RFTN1: variants seen among roughly 807,000 people sequenced by gnomAD.
RFTN1 encodes the protein raftlin, lipid raft linker 1.
In RFTN1, 26 loss-of-function variants were observed where a neutral mutation model predicts 46.5. The observed-to-expected ratio is 0.56, with a 90% confidence interval of 0.41 to 0.78. RFTN1 has a LOEUF of 0.78. Ranked by LOEUF, RFTN1 falls within the 30% of genes least tolerant of loss-of-function variation. The pLI, the probability that RFTN1 is intolerant of heterozygous loss-of-function variation, is 0.00. For synonymous variants in RFTN1, 261 were observed against 284.2 expected (o/e 0.92, Z 0.82); for missense variants, 693 against 718.7 (o/e 0.96, Z 0.41).
At chr3:16,377,474 G>A (rs1389384198) in intron 5 of RFTN1, among the ~76,000 whole-genome samples, 1 of 152,176 alleles carries the variant, frequency 6.6e-6, no homozygotes, top group African/African-American at 2.4e-5. Flanking sequence ...CACTTCAAAC[G>A]TGACATTTTG....
rs796886564 is a variant in RFTN1, at chr3:16,485,448, GCAAGGACTCCATACATACAACAT to G, written c.145+8254_145+8276del. ...CAACAAGGACTCCATACATACAACA[GCAAGGACTCCATACATACAACAT>G]CAAGGACTCCATACATACAACAGCA... is the stretch of plus-strand genomic sequence containing the variant. On this transcript the variant is annotated intron_variant, in intron 2 of 9. Coordinates refer to ENST00000334133, the MANE Select transcript of RFTN1 (RefSeq NM_015150.2). Among the ~76,000 whole-genome samples, 6 of 151,896 alleles carry G rather than the reference GCAAGGACTCCATACATACAACAT, an allele frequency of 4.0e-5. No individual in the cohort carries two copies. The East Asian group carries it at 9.6e-4, about 24-fold the overall frequency.
At chr3:16,430,326 G>A (rs1397205147) in intron 3 of RFTN1, among the ~76,000 whole-genome samples, 2 of 152,120 alleles carry the variant, frequency 1.3e-5, no homozygotes, top group African/African-American at 2.4e-5. Flanking sequence ...TGCCCAGGCT[G>A]GTCTGGAACT....
chr3:16,505,462 G>C (rs1456219707), intron 1 of RFTN1, among the ~76,000 whole-genome samples: 1 of 152,198 alleles, frequency 6.6e-6, no homozygotes, highest in East Asian at 1.9e-4. Flanking sequence ...TACCCAGATA[G>C]AGAGAGACAA....
At position 16,380,437 on chromosome 3, in the gene RFTN1, G is replaced by T. The variant is rs1575183129; in HGVS notation, c.442-2335C>A. ...ACTCCAGACACAGGGCATTATCCTA[G>T]CCCTCCCCTTCCTCACTGGGACTGG... On this transcript the variant is annotated intron_variant, in intron 4 of 9. Coordinates refer to ENST00000334133, the MANE Select transcript of RFTN1 (RefSeq NM_015150.2). This position sits in a 1 kb window ranked among gnomAD's most constrained non-coding sequence, Gnocchi z 4.8. 1.3e-5 allele frequency among the ~76,000 whole-genome samples: 2 copies of T among 152,154 alleles called. No homozygotes were observed. Among genetic ancestry groups the T allele is most frequent in the Admixed American group, 1.3e-4 (2 of 15,272 alleles).
At position 16,336,366 on chromosome 3, in the gene RFTN1, A is replaced by G; in HGVS notation, c.1147-9490T>C. ...ACATGGTTCCCATCCAGTGGAGCCCATGGAGGTGAGGTGGAGGGAGGGAGA... is the reference window on the plus strand; with the variant it reads ...ACATGGTTCCCATCCAGTGGAGCCCGTGGAGGTGAGGTGGAGGGAGGGAGA... On this transcript the variant is annotated intron_variant, in intron 7 of 9. Transcript: ENST00000334133. This position sits in a 1 kb window ranked among gnomAD's most constrained non-coding sequence, Gnocchi z 6.0. Among the ~76,000 whole-genome samples, 1 of 152,116 alleles carries G rather than the reference A, an allele frequency of 6.6e-6. No homozygotes were observed. Among genetic ancestry groups the G allele is most frequent in the East Asian group, 1.9e-4 (1 of 5,190 alleles).
intron 2 of RFTN1, among the ~76,000 whole-genome samples, chr3:16,467,129 T>C (rs1434086127): frequency 6.6e-6 from 1 of 152,190 alleles, no homozygotes; most frequent in Non-Finnish European, 1.5e-5. Flanking sequence ...GAAATCATGA[T>C]CGTAGTCCAC....
chr3:16,398,770 C>G (rs1010408619), intron 4 of RFTN1, among the ~76,000 whole-genome samples: 3 of 152,222 alleles, frequency 2.0e-5, no homozygotes, highest in African/African-American at 7.2e-5. Flanking sequence ...GCTGGAAAGT[C>G]ACCTTGAGAT....
chr3:16,439,821 G>T (rs967403710), intron 2 of RFTN1, among the ~76,000 whole-genome samples: 1 of 152,164 alleles, frequency 6.6e-6, no homozygotes, highest in African/African-American at 2.4e-5. Context: ...GGGAGTGTGG[G>T]GAGCTTTTCA....
intron 4 of RFTN1, among the ~76,000 whole-genome samples, chr3:16,404,536 C>G (rs897015903): frequency 6.7e-6 from 1 of 149,616 alleles, no homozygotes; most frequent in African/African-American, 2.5e-5. Context: ...CAGACTAAGG[C>G]TCTGCTCCAC....
intron 4 of RFTN1, among the ~76,000 whole-genome samples, chr3:16,378,379 C>CT (rs1468333192): frequency 1.3e-5 from 2 of 150,076 alleles, no homozygotes; most frequent in Non-Finnish European, 3.0e-5. Context: ...AAACACTACA[C>CT]TAGTCCTTAT....
rs2073443920 is a variant in RFTN1 at position 16,370,313 on chromosome 3, G to A, written c.827-34C>T. 1 of 1,592,104 alleles carries A rather than the reference G, an allele frequency of 6.3e-7. No individual in the cohort carries two copies. Among genetic ancestry groups the A allele is most frequent in the Non-Finnish European group, 8.6e-7 (1 of 1,160,910 alleles). On this transcript the variant is annotated intron_variant, in intron 5 of 9. Transcript: ENST00000334133. This position sits in a 1 kb window ranked among gnomAD's most constrained non-coding sequence, Gnocchi z 5.5. ...ATTTGTAAAGGGAGTGGAGAGAGAA[G>A]AGGTCAACTGATGATAAAAATCTGT...
intron 4 of RFTN1, 142 bp from the exon 5 acceptor site, chr3:16,378,244 T>A: frequency 1.5e-6 from 1 of 679,056 alleles, no homozygotes; most frequent in Middle Eastern, 4.2e-4. Flanking sequence ...AGGAACTCCA[T>A]GTCCTCAGGG....
rs2076334450 is a variant in RFTN1 at position 16,479,658 on chromosome 3, AT to A, written c.145+14066del. On this transcript the variant is annotated intron_variant, in intron 2 of 9. Transcript: ENST00000334133. The surrounding 1 kb of genome is among the most constrained non-coding windows in gnomAD (Gnocchi z 5.1). Reference sequence around the variant, plus strand: ...CCCATGCTCAGGGCATCTTTGATGCATCTATTAAGGCCTTAAAAGTTCAGCC... The same window carrying A: ...CCCATGCTCAGGGCATCTTTGATGCACTATTAAGGCCTTAAAAGTTCAGCC... 6.6e-6 allele frequency among the ~76,000 whole-genome samples: 1 copy of A among 152,226 alleles called. No homozygotes were observed. The highest frequency in any genetic ancestry group is 2.1e-4 in the South Asian group (1 of 4,834).
intron 4 of RFTN1, among the ~76,000 whole-genome samples, chr3:16,401,764 C>A (rs907637784): frequency 5.3e-5 from 8 of 152,202 alleles, no homozygotes; most frequent in African/African-American, 1.2e-4. Context: ...CGCTGAAAAA[C>A]CAAGAAACCT....
rs1028970456 is a variant in RFTN1, at chr3:16,449,498, A to G, written c.146-15461T>C. ...TGAGATAATGCACATAAAGTCCTAGAACTGCACCTGGAACTGGTAACTCCT... is the reference window on the plus strand; with the variant it reads ...TGAGATAATGCACATAAAGTCCTAGGACTGCACCTGGAACTGGTAACTCCT... On this transcript the variant is annotated intron_variant, in intron 2 of 9. Coordinates refer to ENST00000334133, the MANE Select transcript of RFTN1 (RefSeq NM_015150.2). This position sits in a 1 kb window ranked among gnomAD's most constrained non-coding sequence, Gnocchi z 5.1. Among the ~76,000 whole-genome samples, 1 of 152,182 alleles carries G rather than the reference A, an allele frequency of 6.6e-6. No individual in the cohort carries two copies. Among genetic ancestry groups the G allele is most frequent in the Non-Finnish European group, 1.5e-5 (1 of 68,022 alleles).
rs1411872739 is a variant in RFTN1 at position 16,382,856 on chromosome 3, G to A, written c.442-4754C>T. Among the ~76,000 whole-genome samples, 1 of 152,060 alleles carries A rather than the reference G, an allele frequency of 6.6e-6. No homozygotes were observed. Among genetic ancestry groups the A allele is most frequent in the Non-Finnish European group, 1.5e-5 (1 of 68,024 alleles). On this transcript the variant is annotated intron_variant, in intron 4 of 9. Coordinates refer to ENST00000334133, the MANE Select transcript of RFTN1 (RefSeq NM_015150.2). This position sits in a 1 kb window ranked among gnomAD's most constrained non-coding sequence, Gnocchi z 4.7. ...GCTGGACATCACCATGACCTCAGGCGATGCCAGGGTCTTCATGAGCATGGA... is the reference window on the plus strand; with the variant it reads ...GCTGGACATCACCATGACCTCAGGCAATGCCAGGGTCTTCATGAGCATGGA...
chr3:16,420,881 G>T (rs1260500546), intron 3 of RFTN1, among the ~76,000 whole-genome samples: 3 of 152,208 alleles, frequency 2.0e-5, no homozygotes, highest in African/African-American at 7.2e-5. Context: ...GATTCGACAG[G>T]TCTGGGTAGG....
rs1559341072 is a variant in RFTN1 at position 16,426,238 on chromosome 3, G to T, written c.332+7613C>A. ...GCCTCGCGTGTGAACATTTTCTAGG[G>T]CACACCCCAGTAGGCGCTACCACCC... On this transcript the variant is annotated intron_variant, in intron 3 of 9. Coordinates refer to ENST00000334133, the MANE Select transcript of RFTN1 (RefSeq NM_015150.2). The surrounding 1 kb of genome is among the most constrained non-coding windows in gnomAD (Gnocchi z 5.9). 6.6e-6 allele frequency among the ~76,000 whole-genome samples: 1 copy of T among 152,076 alleles called. No individual in the cohort carries two copies. Among genetic ancestry groups the T allele is most frequent in the Non-Finnish European group, 1.5e-5 (1 of 68,026 alleles).
intron 3 of RFTN1, among the ~76,000 whole-genome samples, chr3:16,415,748 G>A (rs1177827070): frequency 6.6e-6 from 1 of 151,990 alleles, no homozygotes; most frequent in African/African-American, 2.4e-5. Flanking sequence ...AAGCAAGGAA[G>A]CAAGTCAAGG....
Sources: allele counts gnomAD v4.1 joint callset (sites outside exome capture counted in the v4.1 genomes callset), GRCh38; gene constraint gnomAD v4.1.1; non-coding constraint Gnocchi (gnomAD v3.1); transcripts MANE v1.5; gene names NCBI Gene and HGNC (gene_info 2026-07-23, HGNC 2026-07-21).